Variants in ASTN2 observed in about 807,000 individuals in gnomAD.
ASTN2 encodes the protein astrotactin-2.
In ASTN2, 54 loss-of-function variants were observed where a neutral mutation model predicts 139.8. The observed-to-expected ratio is 0.39, with a 90% CI of 0.31 to 0.48. The LOEUF (loss-of-function observed/expected upper bound fraction) is 0.48. Among genes scored for constraint, ASTN2 ranks in the 20% least tolerant of loss-of-function variants. ASTN2 has a pLI of 0.95. For missense variants in ASTN2, 1,565 were observed against 1,725.1 expected (o/e 0.91, Z 1.64); for synonymous variants, 756 against 719.5 (o/e 1.05, Z -0.81).
intron 5 of ASTN2, among the ~76,000 whole-genome samples, chr9:117,053,378 G>A (rs1358041915): frequency 6.6e-6 from 1 of 152,140 alleles, no homozygotes; most frequent in Non-Finnish European, 1.5e-5. Context: ...CTTGAGCCCA[G>A]GAGTTTGAGG....
At chr9:117,283,485 G>A (rs1473666873) in intron 2 of ASTN2, among the ~76,000 whole-genome samples, 1 of 152,164 alleles carries the variant, frequency 6.6e-6, no homozygotes, top group Non-Finnish European at 1.5e-5. Flanking sequence ...AAGTACTTGG[G>A]ATATTTGTGT....
At chr9:116,638,876 C>T (rs1249783850) in intron 17 of ASTN2, among the ~76,000 whole-genome samples, 5 of 152,118 alleles carry the variant, frequency 3.3e-5, no homozygotes, top group Admixed American at 6.6e-5. Context: ...GAGAAATTAT[C>T]GTTCATTTAG....
intron 22 of ASTN2, among the ~76,000 whole-genome samples, chr9:116,426,433 T>C (rs557593193): frequency 6.6e-6 from 1 of 152,178 alleles, no homozygotes; most frequent in Non-Finnish European, 1.5e-5. Context: ...CAAAAGTTAT[T>C]GACACCATAT....
In ASTN2 at chr9:116,645,469, A is replaced by G. The variant is rs1857541927; in HGVS notation, c.3072+6059T>C. Among the ~76,000 whole-genome samples the G allele has an allele frequency of 2.0e-5, 3 of 152,144 alleles. No homozygotes were observed. The South Asian group carries it at 6.2e-4, about 32-fold the overall frequency. On this transcript the variant is annotated intron_variant, in intron 17 of 22. Coordinates refer to ENST00000313400, the MANE Select transcript of ASTN2 (RefSeq NM_001365068.1). ...CCCATGCATTCACTGGAATGTACCT[A>G]AGGAGACCCCAACTACCCAAGGAGC...
chr9:116,426,170 A>G, intron 22 of ASTN2, 82 bp from the exon 23 acceptor site: 1 of 1,541,010 alleles, frequency 6.5e-7, no homozygotes, highest in Non-Finnish European at 8.8e-7. Flanking sequence ...GTCAACAAAC[A>G]AATGGTAACT....
intron 10 of ASTN2, among the ~76,000 whole-genome samples, chr9:116,919,750 C>G (rs527656738): frequency 6.7e-6 from 1 of 148,704 alleles, no homozygotes; most frequent in Admixed American, 6.8e-5. Context: ...TTGAGACTAG[C>G]CTGGGCTACA....
Position 116,663,591 on chromosome 9 carries a change from C to A in ASTN2, c.2807-11798G>T, listed in dbSNP as rs1207360950. Among the ~76,000 whole-genome samples the A allele has an allele frequency of 2.0e-5, 3 of 152,126 alleles. No individual in the cohort carries two copies. In the East Asian group the frequency reaches 5.8e-4, roughly 29 times the overall value. On this transcript the variant is annotated intron_variant, in intron 16 of 22. Transcript: ENST00000313400. ...TTACTTCTCCGTTAGCTCCCCTCTG[C>A]GGTGTAACTCTGCTGCTAGGGGCAG...
intron 2 of ASTN2, among the ~76,000 whole-genome samples, chr9:117,235,210 G>A (rs1251948094): frequency 6.6e-6 from 1 of 150,998 alleles, no homozygotes; most frequent in African/African-American, 2.4e-5. Flanking sequence ...CTCCAGCCCA[G>A]GCCAATAACA....
At chr9:117,380,333 A>G (rs918323649) in intron 1 of ASTN2, among the ~76,000 whole-genome samples, 4 of 152,158 alleles carry the variant, frequency 2.6e-5, no homozygotes, top group Non-Finnish European at 5.9e-5. Flanking sequence ...CAGGCCAGGC[A>G]TGGTAGCTCA....
chr9:116,877,279 T>C (rs1408330377), intron 10 of ASTN2, among the ~76,000 whole-genome samples: 1 of 151,452 alleles, frequency 6.6e-6, no homozygotes, highest in Non-Finnish European at 1.5e-5. Flanking sequence ...CAGAAGTAAA[T>C]GTGCCTTGCT....
chr9:117,285,674 T>G lies in ASTN2; in HGVS notation c.630+5652A>C, dbSNP rs577297518. On this transcript the variant is annotated intron_variant, in intron 2 of 22. Coordinates refer to ENST00000313400, the MANE Select transcript of ASTN2 (RefSeq NM_001365068.1). ...TTATTCCTCTCTAAACCCCAGTGAC[T>G]TTGCCTGCACAAACTCAGGGAGAAG... Among the ~76,000 whole-genome samples, 7 of 152,318 alleles carry G rather than the reference T, an allele frequency of 4.6e-5. No individual in the cohort carries two copies. The East Asian group carries it at 1.3e-3, about 29-fold the overall frequency.
intron 5 of ASTN2, among the ~76,000 whole-genome samples, chr9:117,055,555 G>A (rs10119921): frequency 0.17 from 26,433 of 152,190 alleles, 2,545 homozygotes; most frequent in African/African-American, 0.24. Flanking sequence ...CCAGAATGGA[G>A]GACAAAGAAA....
intron 1 of ASTN2, among the ~76,000 whole-genome samples, chr9:117,398,589 A>G (rs1479741689): frequency 6.6e-6 from 1 of 152,206 alleles, no homozygotes; most frequent in Admixed American, 6.5e-5. Flanking sequence ...ATGACCTTGG[A>G]CAAATCTCTT....
intron 3 of ASTN2, among the ~76,000 whole-genome samples, chr9:117,188,639 C>T (rs1243433342): frequency 6.6e-6 from 1 of 152,166 alleles, no homozygotes; most frequent in Admixed American, 6.5e-5. Flanking sequence ...AGGATGGCTT[C>T]TAGCCAAGTT....
chr9:116,669,246 T>C (rs555301637), intron 16 of ASTN2, among the ~76,000 whole-genome samples: 2 of 152,110 alleles, frequency 1.3e-5, no homozygotes, highest in African/African-American at 4.8e-5. Context: ...ACCCCTTAAT[T>C]TGCATGTAAT....
intron 11 of ASTN2, among the ~76,000 whole-genome samples, chr9:116,840,040 T>C (rs990197751): frequency 1.5e-4 from 23 of 148,488 alleles, no homozygotes; most frequent in African/African-American, 4.8e-4. Context: ...ACAGTGTTTG[T>C]GTCCCTGGGT....
chr9:116,739,485 TCCCTCTGGAATTTGCCC>T (rs1829039979), intron 13 of ASTN2, among the ~76,000 whole-genome samples: 1 of 34,590 alleles, frequency 2.9e-5, no homozygotes, highest in Non-Finnish European at 9.7e-5. Context: ...GAATTTGCCC[TCCCTCTGGAATTTGCCC>T]TCCCTCTGCA....
At chr9:116,621,488 T>TC (rs1856151817) in intron 17 of ASTN2, among the ~76,000 whole-genome samples, 1 of 151,554 alleles carries the variant, frequency 6.6e-6, no homozygotes, top group Non-Finnish European at 1.5e-5. Context: ...CCTGGAATAT[T>TC]CCCCTCTCTG....
intron 1 of ASTN2, among the ~76,000 whole-genome samples, chr9:117,358,470 A>C (rs1324507763): frequency 6.6e-6 from 1 of 152,156 alleles, no homozygotes; most frequent in Admixed American, 6.5e-5. Flanking sequence ...GCCTGATAGC[A>C]CAATGAGAAA....
Sources: gnomAD v4.1 joint callset for allele counts (sites outside exome capture counted in the v4.1 genomes callset) on GRCh38, gnomAD v4.1.1 for gene constraint, MANE v1.5 for transcripts, NCBI Gene and HGNC (gene_info 2026-07-23, HGNC 2026-07-21) for gene names.